FRMPD4: variants seen among roughly 807,000 people sequenced by gnomAD.
FRMPD4 encodes FERM and PDZ domain containing 4, also known as FERM and PDZ domain-containing protein 4.
FRMPD4 carries 22 observed loss-of-function variants against 94.1 expected under a neutral mutation model. The observed-to-expected ratio is 0.23, with a 90% CI of 0.17 to 0.33. The LOEUF is 0.33. Ranked by LOEUF, FRMPD4 falls within the 10% of genes least tolerant of loss-of-function variation. FRMPD4 has a pLI of 1.00. For synonymous variants in FRMPD4, 631 were observed against 548.6 expected (o/e 1.15, Z -2.10); for missense variants, 1,111 against 1,339.9 (o/e 0.83, Z 2.67).
chrX:12,140,123 G>A (rs147836296), intron 1 of FRMPD4, among the ~76,000 whole-genome samples: 15 of 112,065 alleles, frequency 1.3e-4, no homozygotes, highest in African/African-American at 4.9e-4. Flanking sequence ...GGTTCTGTTT[G>A]GATGTTGCCA....
intron 4 of FRMPD4, among the ~76,000 whole-genome samples, chrX:12,622,010 GA>G (rs1569370074): frequency 2.0e-4 from 10 of 49,629 alleles, no homozygotes; most frequent in Non-Finnish European, 2.8e-4. Flanking sequence ...AAGAAAGAAA[GA>G]AAGAAAGGAA....
intron 3 of FRMPD4, among the ~76,000 whole-genome samples, chrX:12,050,723 G>A (rs2054812265): frequency 9.1e-6 from 1 of 109,886 alleles, no homozygotes; most frequent in African/African-American, 3.3e-5. Context: ...TTTTAGGTGG[G>A]CATACAAAGT....
At chrX:12,504,732 T>C (rs1172030998) in intron 2 of FRMPD4, among the ~76,000 whole-genome samples, 1 of 112,366 alleles carries the variant, frequency 8.9e-6, no homozygotes, top group African/African-American at 3.2e-5. Flanking sequence ...TCATTCCAGA[T>C]CTAATTTGGC....
chrX:12,144,146 T>A (rs1210585767), intron 1 of FRMPD4, among the ~76,000 whole-genome samples: 1 of 112,232 alleles, frequency 8.9e-6, no homozygotes, highest in Non-Finnish European at 1.9e-5. Context: ...CTAATGACCT[T>A]CACTAATCTG....
chrX:12,608,095 G>T (rs766017683), intron 2 of FRMPD4, among the ~76,000 whole-genome samples: 1 of 112,402 alleles, frequency 8.9e-6, no homozygotes, highest in Non-Finnish European at 1.9e-5. Flanking sequence ...AATTAAACCC[G>T]TGTCATTGAA....
chrX:12,716,005 A>AG, intron 14 of FRMPD4, 64 bp from the exon 15 acceptor site: 1 of 134,926 alleles, frequency 7.4e-6, no homozygotes, highest in East Asian at 1.5e-4. Context: ...CGAGCCTCCC[A>AG]CCCCCGCCCC....
rs555702346 is a variant in FRMPD4, at chrX:11,839,947, A to G, written c.-161+17232A>G. ...TTCTGTTCTATTGGTCTATATACCT[A>G]TCATATGCCAATCTCATATTCTTTA... On this transcript the variant is annotated intron_variant, in intron 1 of 18. Coordinates refer to the FRMPD4 transcript ENST00000640291. Among the ~76,000 whole-genome samples the G allele has an allele frequency of 2.1e-4, 24 of 111,751 alleles. No homozygotes were observed. The South Asian group carries it at 8.8e-3, about 41-fold the overall frequency.
At chrX:12,584,290 C>G (rs956380290) in intron 2 of FRMPD4, among the ~76,000 whole-genome samples, 1 of 112,002 alleles carries the variant, frequency 8.9e-6, no homozygotes, top group Non-Finnish European at 1.9e-5. Flanking sequence ...AGTGTGATTT[C>G]ACTGTTTTAT....
intron 1 of FRMPD4, among the ~76,000 whole-genome samples, chrX:12,300,035 G>A (rs930163251): frequency 8.9e-6 from 1 of 112,182 alleles, no homozygotes; most frequent in Non-Finnish European, 1.9e-5. Flanking sequence ...AAGGACAGAA[G>A]TGGGACACAG....
intron 1 of FRMPD4, among the ~76,000 whole-genome samples, chrX:12,233,882 T>C (rs1251271402): frequency 8.9e-6 from 1 of 112,158 alleles, no homozygotes; most frequent in African/African-American, 3.2e-5. Flanking sequence ...TCTTTGTACA[T>C]GGGAGCTGTT....
At chrX:12,272,073 C>T (rs1203743293) in intron 1 of FRMPD4, among the ~76,000 whole-genome samples, 1 of 112,125 alleles carries the variant, frequency 8.9e-6, no homozygotes, top group Non-Finnish European at 1.9e-5. Flanking sequence ...ACTTTGAATA[C>T]GTTTCCTAAA....
At chrX:12,164,683 A>G (rs1268229894) in intron 1 of FRMPD4, among the ~76,000 whole-genome samples, 2 of 111,928 alleles carry the variant, frequency 1.8e-5, no homozygotes, top group South Asian at 3.8e-4. Context: ...AAGTGTTCCT[A>G]TTTCTCCACA....
chrX:11,957,476 G>T (rs1302423259), intron 3 of FRMPD4, among the ~76,000 whole-genome samples: 2 of 110,271 alleles, frequency 1.8e-5, no homozygotes, highest in African/African-American at 6.6e-5. Context: ...CAGCCAGGAG[G>T]ATCCTTAGAG....
chrX:12,209,434 C>T (rs1404655659), intron 1 of FRMPD4, among the ~76,000 whole-genome samples: 2 of 112,005 alleles, frequency 1.8e-5, no homozygotes, highest in Admixed American at 9.4e-5. Flanking sequence ...TTTAGGTAAC[C>T]GCAATATCAA....
At chrX:11,856,631 C>T (rs961949489) in intron 1 of FRMPD4, among the ~76,000 whole-genome samples, 1 of 111,656 alleles carries the variant, frequency 9.0e-6, no homozygotes, top group African/African-American at 3.3e-5. Context: ...GAAGAATTCC[C>T]CTTGAAAATT....
intron 1 of FRMPD4, among the ~76,000 whole-genome samples, chrX:12,166,735 T>TA (rs760193986): frequency 1.1e-3 from 121 of 111,637 alleles, no homozygotes; most frequent in African/African-American, 3.8e-3. Flanking sequence ...CAGAGCCTGT[T>TA]ATTGGTCTAT....
intron 1 of FRMPD4, among the ~76,000 whole-genome samples, chrX:12,358,215 G>T (rs1331473035): frequency 9.0e-6 from 1 of 110,836 alleles, no homozygotes; most frequent in Non-Finnish European, 1.9e-5. Context: ...ACTTTCTACT[G>T]CTTTCTCAGA....
intron 2 of FRMPD4, chrX:12,583,567 C>G: frequency 1.3e-6 from 1 of 743,880 alleles, no homozygotes; most frequent in Non-Finnish European, 2.0e-6. Context: ...CAGCGCAAGC[C>G]AGGCCTAACC....
intron 1 of FRMPD4, among the ~76,000 whole-genome samples, chrX:12,264,557 A>G (rs993222906): frequency 2.7e-5 from 3 of 112,298 alleles, no homozygotes; most frequent in Non-Finnish European, 3.8e-5. Context: ...TAATAATTCA[A>G]TTTCTTCATA....
Sources: gnomAD v4.1 joint callset for allele counts (sites outside exome capture counted in the v4.1 genomes callset) on GRCh38, gnomAD v4.1.1 for gene constraint, MANE v1.5 for transcripts, NCBI Gene and HGNC (gene_info 2026-07-23, HGNC 2026-07-21) for gene names.